The following FAM114A1 variants were observed in gnomAD, a reference collection of about 807,000 sequenced individuals.
The protein encoded by FAM114A1 is family with sequence similarity 114 member A1.
In FAM114A1, 62 loss-of-function variants were observed where a neutral mutation model predicts 64.3. That is an observed-to-expected ratio of 0.96 (90% CI 0.79 to 1.19). FAM114A1 has a LOEUF of 1.19. Among genes scored for constraint, FAM114A1 ranks in the 50% most tolerant of loss-of-function variants. FAM114A1 has a pLI of 0.00. For synonymous variants in FAM114A1, 254 were observed against 251.1 expected, an observed-to-expected ratio of 1.01 and a Z score of -0.11; for missense variants, 645 against 676.3, an observed-to-expected ratio of 0.95 and a Z score of 0.51.
At chr4:38,935,289 T>C (rs748134547) in intron 12 of FAM114A1, among the ~76,000 whole-genome samples, 37 of 152,316 alleles carry the variant, frequency 2.4e-4, no homozygotes, top group South Asian at 6.2e-4. Context: ...AAGGTCACCC[T>C]GAGGATTAAA....
intron 9 of FAM114A1, among the ~76,000 whole-genome samples, chr4:38,927,001 C>T (rs1414778947): frequency 1.3e-5 from 2 of 152,216 alleles, no homozygotes; most frequent in Non-Finnish European, 2.9e-5. Flanking sequence ...AGACAGCCGT[C>T]TCTGCCTCCT....
At chr4:38,932,441 C>T (rs1453600495) in intron 12 of FAM114A1, 67 bp downstream of exon 12, 2 of 1,412,670 alleles carry the variant, frequency 1.4e-6, no homozygotes, top group African/African-American at 2.9e-5. Context: ...CAGATACACA[C>T]ATACACACCC....
At chr4:38,940,652 A>T (rs1286822881) in intron 13 of FAM114A1, among the ~76,000 whole-genome samples, 1 of 152,216 alleles carries the variant, frequency 6.6e-6, no homozygotes, top group Non-Finnish European at 1.5e-5. Context: ...CAAAATTTAC[A>T]TAGTGAAAAA....
Position 38,905,567 on chromosome 4 carries a change from G to A in FAM114A1, c.482G>A (p.Arg161Gln), listed in dbSNP as rs764345278. The A allele has an allele frequency of 6.8e-6, 11 of 1,614,116 alleles. No individual in the cohort carries two copies. The highest frequency in any genetic ancestry group is 4.5e-5 in the East Asian group (2 of 44,892). Residue 161 changes from arginine (R) to glutamine (Q), a missense_variant, in exon 5 of 15, where the codon CGG becomes CAG. Physicochemically the swap from Arg to Gln is conservative, Grantham distance 43. Transcript: ENST00000358869. Reference sequence around the variant, plus strand: ...AAGGAAAAAGCAGGAGCCACTCTACGGATTCATGGTGTAAATTCTGGATCT... The same window carrying A: ...AAGGAAAAAGCAGGAGCCACTCTACAGATTCATGGTGTAAATTCTGGATCT... ...AVKEKAGATL[R>Q]IHGVNSGSSE...
chr4:38,898,654 A>C (rs1015367564), intron 4 of FAM114A1, among the ~76,000 whole-genome samples: 3 of 152,138 alleles, frequency 2.0e-5, no homozygotes, highest in African/African-American at 7.2e-5. Flanking sequence ...CAGTTCAGTA[A>C]CACTTCTTGT....
intron 7 of FAM114A1, 65 bp downstream of exon 7, chr4:38,908,791 C>T (rs1037754965): frequency 7.1e-7 from 1 of 1,399,084 alleles, no homozygotes. Context: ...TTTTATTTAT[C>T]TTTTTGAATA....
chr4:38,889,406 A>G (rs79174805), intron 3 of FAM114A1, among the ~76,000 whole-genome samples: 3,479 of 152,310 alleles, frequency 0.023, 136 homozygotes, highest in African/African-American at 0.076. Context: ...GAAAAAAAAA[A>G]TGACAGCTAA....
chr4:38,878,029 CA>C (rs765907454), intron 2 of FAM114A1, 41 bp from the exon 3 acceptor site: 1 of 1,450,268 alleles, frequency 6.9e-7, no homozygotes, highest in South Asian at 1.3e-5. Context: ...TGAAGCTTAA[CA>C]ATTCGATGAA....
At chr4:38,877,132 C>A (rs79253502) in intron 2 of FAM114A1, among the ~76,000 whole-genome samples, 3,301 of 152,218 alleles carry the variant, frequency 0.022, 111 homozygotes, top group African/African-American at 0.075. Context: ...AGTCCCCAAC[C>A]TTTTTGGCAC....
intron 9 of FAM114A1, among the ~76,000 whole-genome samples, chr4:38,927,829 G>A (rs750381864): frequency 7.2e-5 from 11 of 152,016 alleles, no homozygotes; most frequent in Non-Finnish European, 1.0e-4. Context: ...GATTACAGGC[G>A]CCCGCCTCCG....
chr4:38,928,570 C>A (rs1038568614), intron 9 of FAM114A1, among the ~76,000 whole-genome samples: 1 of 151,894 alleles, frequency 6.6e-6, no homozygotes, highest in Non-Finnish European at 1.5e-5. Flanking sequence ...ATTTTAGCAC[C>A]TATGATATGT....
intron 9 of FAM114A1, among the ~76,000 whole-genome samples, chr4:38,923,536 A>G (rs1184883929): frequency 1.3e-5 from 2 of 152,074 alleles, no homozygotes; most frequent in Non-Finnish European, 2.9e-5. Flanking sequence ...TGCCACTTAT[A>G]ATTTTTATCT....
rs7676657 is a variant in FAM114A1, at chr4:38,908,741, G to A, written c.792+15G>A. On this transcript the variant is annotated intron_variant, in intron 7 of 14. Coordinates refer to ENST00000358869, the MANE Select transcript of FAM114A1 (RefSeq NM_138389.4). ...CCTTGTCTCAGGTTGGATTATATAC[G>A]TTTGCAATTTTTTCTTTCAGTCAAT... The A allele has an allele frequency of 1.7e-5, 26 of 1,534,666 alleles. 1 individual carries two copies. Among genetic ancestry groups the A allele is most frequent in the East Asian group, 4.6e-5 (2 of 43,732 alleles).
intron 13 of FAM114A1, 73 bp from the exon 14 acceptor site, chr4:38,940,895 G>A (rs1721531543): frequency 2.7e-6 from 4 of 1,455,650 alleles, no homozygotes; most frequent in Non-Finnish European, 2.9e-6. Context: ...CAAAGCTAGT[G>A]TATTACATTT....
chr4:38,900,056 T>C (rs1205664858), intron 4 of FAM114A1, among the ~76,000 whole-genome samples: 4 of 152,098 alleles, frequency 2.6e-5, no homozygotes, highest in East Asian at 1.9e-4. Flanking sequence ...CTTGCTAATA[T>C]TATGAAATTT....
chr4:38,897,929 G>A (rs1196525346), intron 4 of FAM114A1, among the ~76,000 whole-genome samples: 2 of 147,602 alleles, frequency 1.4e-5, no homozygotes, highest in African/African-American at 5.0e-5. Context: ...CTGGGCAACA[G>A]AACAAGACTC....
intron 2 of FAM114A1, among the ~76,000 whole-genome samples, chr4:38,876,978 A>G (rs767170427): frequency 2.6e-5 from 4 of 152,228 alleles, no homozygotes; most frequent in Non-Finnish European, 4.4e-5. Context: ...ATTTAAGGCC[A>G]ACTCAGATGA....
chr4:38,891,700 A>G, intron 3 of FAM114A1, 43 bp from the exon 4 acceptor site: 2 of 1,515,774 alleles, frequency 1.3e-6, no homozygotes, highest in Non-Finnish European at 1.8e-6. Context: ...CCATTCAGAG[A>G]TATACTGAAT....
intron 7 of FAM114A1, among the ~76,000 whole-genome samples, chr4:38,910,192 T>C (rs906843254): frequency 3.3e-5 from 5 of 151,904 alleles, no homozygotes; most frequent in Admixed American, 2.0e-4. Flanking sequence ...TGAGCCGAGA[T>C]TGTGCCACTG....
Sources: gnomAD v4.1 joint callset for allele counts (sites outside exome capture counted in the v4.1 genomes callset) on GRCh38, gnomAD v4.1.1 for gene constraint, MANE v1.5 for transcripts, NCBI Gene and HGNC (gene_info 2026-07-23, HGNC 2026-07-21) for gene names.